KDM4B: variants seen among roughly 807,000 people sequenced by gnomAD.
KDM4B encodes the protein lysine demethylase 4B.
Under a neutral mutation model 125.2 loss-of-function variants are expected in KDM4B, and 32 were observed. The observed-to-expected ratio is 0.26, with a 90% confidence interval of 0.19 to 0.34. The LOEUF is 0.34. KDM4B is among the 10% of genes least tolerant of loss of function. KDM4B has a pLI of 1.00. For synonymous variants in KDM4B, 721 were observed against 677.9 expected (o/e 1.06, Z -0.99); for missense variants, 1,190 against 1,577.7 (o/e 0.75, Z 4.16).
intron 10 of KDM4B, chr19:5,119,065 T>C: frequency 8.7e-7 from 1 of 1,153,722 alleles, no homozygotes; most frequent in Non-Finnish European, 1.2e-6. Flanking sequence ...CCAGGCGTCC[T>C]GGGGAGTTGA....
At chr19:5,145,807 G>A (rs2039830812) in intron 21 of KDM4B, among the ~76,000 whole-genome samples, 1 of 152,098 alleles carries the variant, frequency 6.6e-6, no homozygotes, top group Non-Finnish European at 1.5e-5. Flanking sequence ...GAGTCACCTC[G>A]GGTCACGCGG....
At chr19:5,093,033 T>A (rs2038743330) in intron 9 of KDM4B, among the ~76,000 whole-genome samples, 1 of 152,170 alleles carries the variant, frequency 6.6e-6, no homozygotes, top group Admixed American at 6.5e-5. Flanking sequence ...GTGCAGACCC[T>A]CCCCTCCTAG....
chr19:5,053,673 T>C (rs1270938314), intron 6 of KDM4B, among the ~76,000 whole-genome samples: 1 of 152,230 alleles, frequency 6.6e-6, no homozygotes, highest in Non-Finnish European at 1.5e-5. Context: ...CTGGGGAGGC[T>C]CTTGATGAGG....
At chr19:5,060,019 C>G (rs1316111697) in intron 6 of KDM4B, among the ~76,000 whole-genome samples, 1 of 152,234 alleles carries the variant, frequency 6.6e-6, no homozygotes, top group Non-Finnish European at 1.5e-5. Flanking sequence ...GCCTCCTCCC[C>G]ACAGCCTTCC....
chr19:5,087,341 G>T (rs893142745), intron 9 of KDM4B, among the ~76,000 whole-genome samples: 5 of 152,234 alleles, frequency 3.3e-5, no homozygotes, highest in Admixed American at 3.3e-4. Flanking sequence ...TGTCTGTGTG[G>T]GGGAGGTACG....
intron 18 of KDM4B, chr19:5,138,330 T>G: frequency 1.9e-6 from 1 of 515,852 alleles, no homozygotes; most frequent in Non-Finnish European, 3.5e-6. Context: ...GGTGTGGCCT[T>G]GGGGGCATCC....
intron 6 of KDM4B, among the ~76,000 whole-genome samples, chr19:5,058,110 T>G (rs1048629394): frequency 6.6e-6 from 1 of 152,256 alleles, no homozygotes; most frequent in Non-Finnish European, 1.5e-5. Context: ...AAATGTAGTC[T>G]GACCACATGT....
Position 5,131,355 on chromosome 19 carries a change from T to C in KDM4B, c.1595T>C (p.Val532Ala). 6.2e-7 allele frequency: 1 copy of C among 1,611,956 alleles called. No individual in the cohort carries two copies. Among genetic ancestry groups the C allele is most frequent in the South Asian group, 1.1e-5 (1 of 91,042 alleles). Reference protein sequence around the residue: ...PRPIIPMLYVVPRPGKAAFNQ... With the variant: ...PRPIIPMLYVAPRPGKAAFNQ... ...CCCATCATCCCCATGCTGTACGTGG[T>C]GCCGCGGCCGGGCAAGGCAGCCTTC... The change falls in exon 12 of 23, where the codon GTG becomes GCG. Residue 532 changes from valine to alanine, a missense_variant. Transcript: ENST00000159111.
intron 1 of KDM4B, among the ~76,000 whole-genome samples, chr19:4,981,198 G>T (rs946278764): frequency 6.6e-6 from 1 of 152,126 alleles, no homozygotes; most frequent in Admixed American, 6.5e-5. Context: ...ATGGGGCAGC[G>T]TGGCCCCAGC....
intron 9 of KDM4B, among the ~76,000 whole-genome samples, chr19:5,090,095 G>T (rs2038641533): frequency 6.6e-6 from 1 of 152,152 alleles, no homozygotes; most frequent in South Asian, 2.1e-4. Context: ...GTGAGGCAGT[G>T]CTGGAAAGAG....
intron 13 of KDM4B, among the ~76,000 whole-genome samples, chr19:5,132,532 A>G (rs11878636): frequency 0.19 from 28,742 of 151,662 alleles, 2,774 homozygotes; most frequent in South Asian, 0.22. Flanking sequence ...CCTGCATGCA[A>G]TTGGAGGGGT....
intron 1 of KDM4B, among the ~76,000 whole-genome samples, chr19:4,985,936 G>A (rs1490053221): frequency 1.3e-5 from 2 of 152,228 alleles, no homozygotes; most frequent in South Asian, 2.1e-4. Flanking sequence ...TGCACCGGCC[G>A]TCTCCCGGTT....
intron 3 of KDM4B, among the ~76,000 whole-genome samples, chr19:5,033,701 G>A (rs565267638): frequency 1.3e-5 from 2 of 152,110 alleles, no homozygotes; most frequent in Admixed American, 6.5e-5. Context: ...TCCCTGTCCC[G>A]ACCCAGTCCC....
At chr19:4,990,219 G>A (rs557439399) in intron 1 of KDM4B, among the ~76,000 whole-genome samples, 1 of 152,300 alleles carries the variant, frequency 6.6e-6, no homozygotes, top group East Asian at 1.9e-4. Flanking sequence ...GAACCCAGGA[G>A]GTTGAGGCTG....
At chr19:5,097,709 C>T (rs998490240) in intron 9 of KDM4B, among the ~76,000 whole-genome samples, 3 of 152,232 alleles carry the variant, frequency 2.0e-5, no homozygotes, top group African/African-American at 7.2e-5. Flanking sequence ...GCTGGGGCCT[C>T]AGGGCAGAGA....
chr19:4,981,031 G>C (rs10408554), intron 1 of KDM4B, among the ~76,000 whole-genome samples: 21,639 of 152,066 alleles, frequency 0.14, 2,662 homozygotes, highest in African/African-American at 0.33. Context: ...CAGGGGTGCA[G>C]AGGTACCCTG....
chr19:5,071,186 A>C (rs2037937066), intron 7 of KDM4B, 127 bp downstream of exon 7: 2 of 785,482 alleles, frequency 2.5e-6, no homozygotes, highest in Middle Eastern at 3.6e-4. Flanking sequence ...GAGTGGTGAC[A>C]TTCTTTGAGC....
chr19:5,060,205 C>G (rs1345378298), intron 6 of KDM4B, among the ~76,000 whole-genome samples: 1 of 151,986 alleles, frequency 6.6e-6, no homozygotes, highest in East Asian at 1.9e-4. Context: ...TTTGGGAGGC[C>G]AAGGTGGGCG....
chr19:5,114,181 T>G lies in KDM4B; in HGVS notation c.1115+3363T>G, dbSNP rs988199775. ...CCACGCGACGCTCCTCCATGCAAACTCTTTCCACGCGAGAAGCGCCATGTG... is the reference window on the plus strand; with the variant it reads ...CCACGCGACGCTCCTCCATGCAAACGCTTTCCACGCGAGAAGCGCCATGTG... On this transcript the variant is annotated intron_variant, in intron 10 of 22. Coordinates refer to ENST00000159111, the MANE Select transcript of KDM4B (RefSeq NM_015015.3). The surrounding 1 kb of genome is among the most constrained non-coding windows in gnomAD (Gnocchi z 5.8). The G allele has an allele frequency of 1.6e-6, 2 of 1,289,666 alleles. No individual in the cohort carries two copies. The highest frequency in any genetic ancestry group is 2.5e-5 in the South Asian group (2 of 81,030). The allele number at this position is 1,289,666 out of a possible 1,614,324, so 79.9% of individuals were successfully genotyped here.
Sources: allele counts gnomAD v4.1 joint callset (sites outside exome capture counted in the v4.1 genomes callset), GRCh38; gene constraint gnomAD v4.1.1; non-coding constraint Gnocchi (gnomAD v3.1); transcripts MANE v1.5; gene names NCBI Gene and HGNC (gene_info 2026-07-23, HGNC 2026-07-21).